HIVEP3: variants seen among roughly 807,000 people sequenced by gnomAD.
The protein encoded by HIVEP3 is transcription factor HIVEP3.
In HIVEP3, 49 loss-of-function variants were observed where a neutral mutation model predicts 152.8. The ratio of observed to expected loss-of-function variants is 0.32; its 90% CI spans 0.26 to 0.41. HIVEP3 has a LOEUF of 0.41. HIVEP3 is among the 10% of genes least tolerant of loss of function. The pLI, the probability that HIVEP3 is intolerant of heterozygous loss-of-function variation, is 1.00. For missense variants in HIVEP3, 2,790 were observed against 3,103.3 expected (o/e 0.90, Z 2.40); for synonymous variants, 1,269 against 1,289.0 (o/e 0.98, Z 0.33).
intron 1 of HIVEP3, among the ~76,000 whole-genome samples, chr1:41,761,530 A>T (rs1432116667): frequency 6.6e-6 from 1 of 151,924 alleles, no homozygotes; most frequent in Non-Finnish European, 1.5e-5. Flanking sequence ...GTGTGAGTGT[A>T]TGAGTTCACA....
intron 1 of HIVEP3, among the ~76,000 whole-genome samples, chr1:41,754,359 C>T (rs1219496864): frequency 6.6e-6 from 1 of 152,136 alleles, no homozygotes; most frequent in Non-Finnish European, 1.5e-5. Context: ...GCACAGGAGA[C>T]AAGGATCAGA....
intron 1 of HIVEP3, among the ~76,000 whole-genome samples, chr1:41,882,232 T>C (rs773487618): frequency 2.6e-5 from 4 of 152,222 alleles, no homozygotes; most frequent in Non-Finnish European, 2.9e-5. Flanking sequence ...AACGTTCCAC[T>C]GGGCAAACCT....
chr1:41,647,424 T>C (rs1570211923), intron 2 of HIVEP3, among the ~76,000 whole-genome samples: 1 of 152,238 alleles, frequency 6.6e-6, no homozygotes, highest in African/African-American at 2.4e-5. Flanking sequence ...CATGTTTCCA[T>C]GCTGAACCGG....
chr1:41,537,098 G>A (rs1434813655), intron 5 of HIVEP3, among the ~76,000 whole-genome samples: 1 of 152,148 alleles, frequency 6.6e-6, no homozygotes, highest in Non-Finnish European at 1.5e-5. Flanking sequence ...TCAAGCCCGT[G>A]ACTTTTCACT....
intron 1 of HIVEP3, among the ~76,000 whole-genome samples, chr1:41,998,808 T>C (rs966481069): frequency 1.3e-5 from 2 of 151,978 alleles, no homozygotes; most frequent in East Asian, 1.9e-4. Flanking sequence ...ACTTCCTTCA[T>C]GTGATTTTGC....
intron 3 of HIVEP3, among the ~76,000 whole-genome samples, chr1:41,593,373 G>C (rs546931930): frequency 6.6e-6 from 1 of 151,546 alleles, no homozygotes; most frequent in South Asian, 2.1e-4. Context: ...TTCTTTTTGC[G>C]GGCAGCAGCA....
chr1:41,605,329 C>T (rs1477167677), intron 3 of HIVEP3, among the ~76,000 whole-genome samples: 1 of 151,666 alleles, frequency 6.6e-6, no homozygotes, highest in Non-Finnish European at 1.5e-5. Context: ...AATTGTTCCA[C>T]ATCTTGATGT....
chr1:41,864,717 C>G (rs1314929274), intron 1 of HIVEP3: 2 of 152,260 alleles, frequency 1.3e-5, no homozygotes, highest in East Asian at 3.8e-4. Flanking sequence ...TGAATGGTAG[C>G]AGGCCCATGG....
At chr1:41,925,498 T>C (rs1470012320) in intron 1 of HIVEP3, among the ~76,000 whole-genome samples, 1 of 152,204 alleles carries the variant, frequency 6.6e-6, no homozygotes, top group Admixed American at 6.5e-5. Context: ...TTCATCCTTG[T>C]GGTCTTCACA....
intron 5 of HIVEP3, among the ~76,000 whole-genome samples, chr1:41,526,242 C>G (rs552652334): frequency 1.3e-5 from 2 of 151,660 alleles, no homozygotes; most frequent in African/African-American, 4.8e-5. Flanking sequence ...CACCCTCACA[C>G]TCGCCCTCAC....
At chr1:41,671,427 C>T (rs1419343064) in intron 2 of HIVEP3, among the ~76,000 whole-genome samples, 1 of 152,226 alleles carries the variant, frequency 6.6e-6, no homozygotes, top group African/African-American at 2.4e-5. Context: ...GAAACGAATC[C>T]TGCTCTCGGG....
chr1:41,768,363 A>G (rs1648140188), intron 1 of HIVEP3, among the ~76,000 whole-genome samples: 1 of 152,114 alleles, frequency 6.6e-6, no homozygotes, highest in African/African-American at 2.4e-5. Context: ...GAAAGACCTG[A>G]CCCCGTGATT....
At chr1:41,687,629 T>G (rs979646093) in intron 2 of HIVEP3, among the ~76,000 whole-genome samples, 1 of 152,224 alleles carries the variant, frequency 6.6e-6, no homozygotes, top group Non-Finnish European at 1.5e-5. Flanking sequence ...CACACTTAGG[T>G]GCACGGCGAT....
intron 2 of HIVEP3, among the ~76,000 whole-genome samples, chr1:41,667,873 C>A (rs138818770): frequency 4.8e-4 from 73 of 152,260 alleles, no homozygotes; most frequent in Non-Finnish European, 8.7e-4. Flanking sequence ...GAAGCCCCCC[C>A]CAAGCCCCCC....
At chr1:41,654,681 C>T (rs1324060757) in intron 2 of HIVEP3, among the ~76,000 whole-genome samples, 1 of 152,182 alleles carries the variant, frequency 6.6e-6, no homozygotes, top group African/African-American at 2.4e-5. Flanking sequence ...GAATCCATTC[C>T]AGTATACAAC....
intron 1 of HIVEP3, among the ~76,000 whole-genome samples, chr1:41,764,951 GGGATAGATGCTA>G (rs1418016094): frequency 1.3e-5 from 2 of 152,178 alleles, no homozygotes; most frequent in Admixed American, 1.3e-4. Context: ...GGGGTGGCAT[GGGATAGATGCTA>G]GGTGCCCATC....
At chr1:41,834,545 T>G (rs974698080) in intron 1 of HIVEP3, among the ~76,000 whole-genome samples, 5 of 152,170 alleles carry the variant, frequency 3.3e-5, no homozygotes, top group African/African-American at 1.2e-4. Context: ...AGCTCCCCAA[T>G]TCTTATTGAA....
intron 1 of HIVEP3, among the ~76,000 whole-genome samples, chr1:41,942,127 T>C (rs1397275367): frequency 1.3e-5 from 2 of 152,254 alleles, no homozygotes; most frequent in African/African-American, 4.8e-5. Context: ...TCTTCTTATC[T>C]ACATTTCCAG....
Position 41,568,491 on chromosome 1 carries a change from G to A in HIVEP3, c.5207+7053C>T, listed in dbSNP as rs370343839. On this transcript the variant is annotated intron_variant, in intron 5 of 8. Coordinates refer to ENST00000372583, the MANE Select transcript of HIVEP3 (RefSeq NM_024503.5). ...GGCCCGTGAGGGCTTCGGGGGACAC[G>A]GCGTAGGAGCGGCAGGGTGTGTGGA... 3.5e-4 allele frequency among the ~76,000 whole-genome samples: 53 copies of A among 152,376 alleles called. 1 individual carries two copies. The East Asian group carries it at 7.3e-3, about 21-fold the overall frequency.
Sources: gnomAD v4.1 joint callset for allele counts (sites outside exome capture counted in the v4.1 genomes callset) on GRCh38, gnomAD v4.1.1 for gene constraint, MANE v1.5 for transcripts, NCBI Gene and HGNC (gene_info 2026-07-23, HGNC 2026-07-21) for gene names.